SCFD2: variants seen among roughly 807,000 people sequenced by gnomAD.
The protein encoded by SCFD2 is sec1 family domain containing 2.
Under a neutral mutation model 58.9 loss-of-function variants are expected in SCFD2, and 54 were observed. The observed-to-expected ratio is 0.92, with a 90% CI of 0.74 to 1.15. SCFD2 has a LOEUF of 1.15. Among genes scored for constraint, SCFD2 ranks in the 50% most tolerant of loss-of-function variants. The pLI, the probability that SCFD2 is intolerant of heterozygous loss-of-function variation, is 0.00. For missense variants in SCFD2, 805 were observed against 836.6 expected (o/e 0.96, Z 0.47); for synonymous variants, 321 against 335.9 (o/e 0.96, Z 0.49).
chr4:53,345,250 C>T (rs1241690023), intron 2 of SCFD2, among the ~76,000 whole-genome samples: 2 of 151,888 alleles, frequency 1.3e-5, no homozygotes, highest in Non-Finnish European at 2.9e-5. Flanking sequence ...AACAAATTTA[C>T]AAGAAAAAAA....
At chr4:52,975,277 C>T (rs1315551698) in intron 5 of SCFD2, among the ~76,000 whole-genome samples, 1 of 152,004 alleles carries the variant, frequency 6.6e-6, no homozygotes, top group African/African-American at 2.4e-5. Context: ...CTCATCTGAC[C>T]ATGGGCTAAT....
At chr4:53,348,603 G>A (rs370044577) in intron 2 of SCFD2, among the ~76,000 whole-genome samples, 6 of 151,876 alleles carry the variant, frequency 4.0e-5, no homozygotes, top group South Asian at 2.1e-4. Flanking sequence ...ACCACCTATC[G>A]CTTTATCTTT....
intron 5 of SCFD2, among the ~76,000 whole-genome samples, chr4:53,060,443 T>C (rs1423531852): frequency 2.6e-5 from 4 of 152,166 alleles, no homozygotes; most frequent in African/African-American, 4.8e-5. Flanking sequence ...ATGCTTATTA[T>C]ACACATGAAA....
intron 8 of SCFD2, among the ~76,000 whole-genome samples, chr4:52,882,099 G>A (rs575312048): frequency 1.3e-5 from 2 of 152,216 alleles, no homozygotes; most frequent in South Asian, 2.1e-4. Context: ...AATCAAGTGC[G>A]AGACAGGGAG....
chr4:52,921,153 T>C (rs1396251500), intron 5 of SCFD2, among the ~76,000 whole-genome samples: 9 of 152,134 alleles, frequency 5.9e-5, no homozygotes, highest in Non-Finnish European at 1.0e-4. Flanking sequence ...CTGCAGACAT[T>C]TCACAGAAAG....
chr4:53,177,976 G>A (rs1414313584), intron 4 of SCFD2, among the ~76,000 whole-genome samples: 1 of 152,198 alleles, frequency 6.6e-6, no homozygotes, highest in Non-Finnish European at 1.5e-5. Context: ...CCATTTTCGG[G>A]TTAGTTGTTT....
chr4:52,995,441 G>A (rs1466894092), intron 5 of SCFD2, among the ~76,000 whole-genome samples: 1 of 152,240 alleles, frequency 6.6e-6, no homozygotes, highest in African/African-American at 2.4e-5. Context: ...CGTGGCCCAG[G>A]AATTGGGGAC....
intron 5 of SCFD2, among the ~76,000 whole-genome samples, chr4:53,017,691 A>G (rs774158148): frequency 6.6e-6 from 1 of 152,188 alleles, no homozygotes; most frequent in Non-Finnish European, 1.5e-5. Flanking sequence ...CCTCTGTGAC[A>G]CACTTCTCAT....
chr4:53,108,277 T>C (rs1350901281), intron 5 of SCFD2, among the ~76,000 whole-genome samples: 1 of 152,168 alleles, frequency 6.6e-6, no homozygotes, highest in Non-Finnish European at 1.5e-5. Context: ...GTAGGAAAGA[T>C]GTAAAGTTGA....
chr4:53,305,261 A>C (rs879816805), intron 3 of SCFD2, among the ~76,000 whole-genome samples: 1 of 152,154 alleles, frequency 6.6e-6, no homozygotes, highest in Non-Finnish European at 1.5e-5. Context: ...TTCTCTTCTA[A>C]GAGTGTTATG....
intron 4 of SCFD2, among the ~76,000 whole-genome samples, chr4:53,204,748 A>G (rs1156693020): frequency 1.3e-5 from 2 of 148,202 alleles, no homozygotes; most frequent in African/African-American, 5.0e-5. Context: ...ATGGCTCACA[A>G]TTATGAAATT....
intron 5 of SCFD2, chr4:52,948,423 C>T: frequency 4.5e-6 from 2 of 439,828 alleles, no homozygotes; most frequent in East Asian, 7.1e-5. Flanking sequence ...CAACTTTGGA[C>T]AGATTCTTGA....
At chr4:53,166,151 C>T (rs978168235) in intron 4 of SCFD2, among the ~76,000 whole-genome samples, 18 of 152,082 alleles carry the variant, frequency 1.2e-4, no homozygotes, top group African/African-American at 3.4e-4. Context: ...GTATATACTA[C>T]GTATTGTTTA....
chr4:52,881,026 C>A (rs750470561), intron 8 of SCFD2, among the ~76,000 whole-genome samples: 2 of 152,344 alleles, frequency 1.3e-5, no homozygotes, highest in East Asian at 3.9e-4. Flanking sequence ...GGGAGGTTGC[C>A]CTCTTGATCC....
At chr4:53,229,336 A>G (rs1729349173) in intron 4 of SCFD2, among the ~76,000 whole-genome samples, 3 of 152,218 alleles carry the variant, frequency 2.0e-5, no homozygotes, top group Admixed American at 2.0e-4. Context: ...CGAAAGAACA[A>G]AGCTGGAGGC....
chr4:53,072,172 TAAG>T (rs1057051533), intron 5 of SCFD2, among the ~76,000 whole-genome samples: 2 of 152,046 alleles, frequency 1.3e-5, no homozygotes, highest in African/African-American at 4.8e-5. Context: ...CACCTACACC[TAAG>T]AAGAGGCCCA....
intron 3 of SCFD2, among the ~76,000 whole-genome samples, chr4:53,310,355 T>C (rs1387316297): frequency 6.6e-6 from 1 of 152,198 alleles, no homozygotes; most frequent in Non-Finnish European, 1.5e-5. Flanking sequence ...GGGGAATATG[T>C]CCACTTTGTA....
At chr4:52,958,890 A>T (rs1312070465) in intron 5 of SCFD2, among the ~76,000 whole-genome samples, 2 of 152,206 alleles carry the variant, frequency 1.3e-5, no homozygotes, top group East Asian at 1.9e-4. Context: ...TGATAATCAC[A>T]TTTAAATATT....
chr4:53,255,197 T>TTTA (rs1553892849), intron 4 of SCFD2, among the ~76,000 whole-genome samples: 1 of 140,620 alleles, frequency 7.1e-6, no homozygotes, highest in African/African-American at 2.6e-5. Flanking sequence ...TTTTTTTCTT[T>TTTA]TTTATTTATT....
Sources: gnomAD v4.1 joint callset for allele counts (sites outside exome capture counted in the v4.1 genomes callset) on GRCh38, gnomAD v4.1.1 for gene constraint, MANE v1.5 for transcripts, NCBI Gene and HGNC (gene_info 2026-07-23, HGNC 2026-07-21) for gene names.